LRBA: variants seen among roughly 807,000 people sequenced by gnomAD.
The protein encoded by LRBA is LPS responsive beige-like anchor protein.
Under a neutral mutation model 330.0 loss-of-function variants are expected in LRBA, and 176 were observed. The observed-to-expected ratio is 0.53, with a 90% CI of 0.47 to 0.60. The LOEUF is 0.60. Ranked by LOEUF, LRBA falls within the 20% of genes least tolerant of loss-of-function variation. The pLI is 0.00. For missense variants in LRBA, 3,259 were observed against 3,444.8 expected (o/e 0.95, Z 1.35); for synonymous variants, 1,230 against 1,193.0 (o/e 1.03, Z -0.64).
At chr4:150,756,151 C>A (rs564196773) in intron 35 of LRBA, among the ~76,000 whole-genome samples, 1 of 151,946 alleles carries the variant, frequency 6.6e-6, no homozygotes, top group Non-Finnish European at 1.5e-5. Context: ...ATAAAATATT[C>A]ATCATTCTCT....
chr4:150,357,651 C>CT lies in LRBA; in HGVS notation c.7195-7493dup, dbSNP rs142531975. Among the ~76,000 whole-genome samples the CT allele has an allele frequency of 5.9e-4, 82 of 138,338 alleles. 1 individual carries two copies. The highest frequency in any genetic ancestry group is 5.7e-3 in the East Asian group (28 of 4,900). 90.8% of individuals were successfully genotyped at this position (138,338 alleles called of 152,430 possible). A position where few individuals can be genotyped will look rare whatever the true frequency, so the allele number is the denominator to read the frequency against. On this transcript the variant is annotated intron_variant, in intron 47 of 56. Coordinates refer to ENST00000651943, the MANE Select transcript of LRBA (RefSeq NM_001364905.1). ...GTATCACACACATAGGGATATTGAG[C>CT]TTTTTTTTTTTTTTAAAAAAAACCT...
chr4:150,300,066 C>T (rs75272223), intron 53 of LRBA, among the ~76,000 whole-genome samples: 5 of 152,058 alleles, frequency 3.3e-5, no homozygotes, highest in African/African-American at 7.2e-5. Flanking sequence ...AGTTTACACA[C>T]GGTAACAATG....
intron 28 of LRBA, among the ~76,000 whole-genome samples, chr4:150,842,387 A>G (rs1749225982): frequency 6.6e-6 from 1 of 152,180 alleles, no homozygotes; most frequent in South Asian, 2.1e-4. Context: ...CCTAGGCTCA[A>G]GCGATCCTCC....
Position 150,893,131 on chromosome 4 carries a change from C to T in LRBA, c.2086G>A (p.Val696Ile), listed in dbSNP as rs1228015484. The change falls in exon 17 of 57, where the codon GTC (valine) becomes ATC (isoleucine). Residue 696 changes from valine to isoleucine, a missense_variant. Val to Ile is a conservative substitution (Grantham distance 29). Coordinates refer to ENST00000651943, the MANE Select transcript of LRBA (RefSeq NM_001364905.1). ...TMHEDDNLMD[V>I]LQLLVALMSE... ...ATTAATGCAACAAGCAGCTGTAGGACATCCATTAGATTGTCATCCTATAAT... is the reference window on the plus strand; with the variant it reads ...ATTAATGCAACAAGCAGCTGTAGGATATCCATTAGATTGTCATCCTATAAT... The T allele has an allele frequency of 1.2e-5, 20 of 1,607,344 alleles. No homozygotes were observed. The highest frequency in any genetic ancestry group is 1.5e-5 in the Non-Finnish European group (18 of 1,175,352).
At chr4:150,950,163 A>G (rs990345181) in intron 2 of LRBA, among the ~76,000 whole-genome samples, 1 of 152,154 alleles carries the variant, frequency 6.6e-6, no homozygotes, top group African/African-American at 2.4e-5. Context: ...GTTCTTTAAT[A>G]GCTTGCTGGT....
At chr4:150,825,496 A>G (rs762472150) in intron 30 of LRBA, among the ~76,000 whole-genome samples, 22 of 152,126 alleles carry the variant, frequency 1.4e-4, no homozygotes, top group Non-Finnish European at 2.2e-4. Context: ...CCTCCCAAAT[A>G]GCTGGGATTA....
In LRBA at chr4:150,583,419, G is replaced by C; in HGVS notation, c.6330+4629C>G. The C allele has an allele frequency of 1.2e-6, 2 of 1,613,902 alleles. No individual in the cohort carries two copies. The highest frequency in any genetic ancestry group is 1.7e-6 in the Non-Finnish European group (2 of 1,180,028). ...ATCTCTCAGCGCGTAAGATCCGCTC[G>C]CGTTTCCAGACGCTGGTGGCCCAGG... On this transcript the variant is annotated intron_variant, in intron 40 of 56. Transcript: ENST00000651943. The surrounding 1 kb of genome is among the most constrained non-coding windows in gnomAD (Gnocchi z 9.8).
In LRBA at chr4:150,709,505, A is replaced by G. The variant is rs111532759; in HGVS notation, c.5754+25753T>C. Among the ~76,000 whole-genome samples the G allele has an allele frequency of 2.3e-3, 347 of 152,068 alleles. 1 individual carries two copies. The highest frequency in any genetic ancestry group is 4.1e-3 in the Non-Finnish European group (276 of 67,834). Reference sequence around the variant, plus strand: ...AAATAATTCTACCTTGGCCTTTCTCATGCATAATCCATTTGTTTCCATAGA... The same window carrying G: ...AAATAATTCTACCTTGGCCTTTCTCGTGCATAATCCATTTGTTTCCATAGA... On this transcript the variant is annotated intron_variant, in intron 36 of 56. Transcript: ENST00000651943.
chr4:150,757,338 TC>T (rs1480191637), intron 35 of LRBA, among the ~76,000 whole-genome samples: 1 of 152,172 alleles, frequency 6.6e-6, no homozygotes, highest in Non-Finnish European at 1.5e-5. Flanking sequence ...ATCAGCAGTT[TC>T]TACCAAACAA....
chr4:150,631,493 A>C (rs764614913), intron 37 of LRBA, among the ~76,000 whole-genome samples: 9 of 152,230 alleles, frequency 5.9e-5, no homozygotes, highest in Non-Finnish European at 2.9e-5. Flanking sequence ...GACCCTCTGC[A>C]TGAATGGCAT....
At chr4:150,634,861 C>T (rs563151016) in intron 37 of LRBA, among the ~76,000 whole-genome samples, 28 of 152,250 alleles carry the variant, frequency 1.8e-4, no homozygotes, top group South Asian at 1.2e-3. Flanking sequence ...TAGTCTTAAG[C>T]AGTCATAAGA....
chr4:150,413,446 G>A (rs943362602), intron 47 of LRBA, among the ~76,000 whole-genome samples: 15 of 152,004 alleles, frequency 9.9e-5, no homozygotes, highest in African/African-American at 3.6e-4. Flanking sequence ...ATACTATACA[G>A]CAATACAAAG....
chr4:150,591,177 A>G (rs1225540735), intron 38 of LRBA, among the ~76,000 whole-genome samples: 5 of 152,222 alleles, frequency 3.3e-5, no homozygotes, highest in Non-Finnish European at 7.3e-5. Context: ...AAATTCATTA[A>G]TAGGAACAAT....
chr4:150,655,052 TA>T (rs1275098378), intron 37 of LRBA, among the ~76,000 whole-genome samples: 3 of 152,342 alleles, frequency 2.0e-5, no homozygotes, highest in Non-Finnish European at 4.4e-5. Context: ...CCTTTGGGTA[TA>T]TACCCAATAC....
At chr4:150,780,616 T>C (rs138953413) in intron 34 of LRBA, among the ~76,000 whole-genome samples, 89 of 148,234 alleles carry the variant, frequency 6.0e-4, no homozygotes, top group African/African-American at 2.0e-3. Flanking sequence ...TATATATATA[T>C]ACATATATAT....
chr4:150,831,227 C>T (rs1293600000), intron 29 of LRBA, among the ~76,000 whole-genome samples: 1 of 150,342 alleles, frequency 6.7e-6, no homozygotes, highest in African/African-American at 2.4e-5. Context: ...GCACTTTCAC[C>T]ACCTTCTAAA....
chr4:150,385,554 T>C (rs1581171444), intron 47 of LRBA, among the ~76,000 whole-genome samples: 1 of 151,356 alleles, frequency 6.6e-6, no homozygotes, highest in South Asian at 2.1e-4. Context: ...GTCAAGGAAA[T>C]GGATGGGTAG....
intron 9 of LRBA, among the ~76,000 whole-genome samples, chr4:150,912,554 A>C (rs1732128575): frequency 6.6e-6 from 1 of 152,200 alleles, no homozygotes; most frequent in African/African-American, 2.4e-5. Context: ...TAATAACAGA[A>C]ATAAAGTGCA....
At chr4:150,621,135 G>C (rs1219410442) in intron 37 of LRBA, among the ~76,000 whole-genome samples, 1 of 151,358 alleles carries the variant, frequency 6.6e-6, no homozygotes, top group African/African-American at 2.4e-5. Context: ...GAGTGCAAAA[G>C]ATTTTTTAAT....
Sources: allele counts gnomAD v4.1 joint callset (sites outside exome capture counted in the v4.1 genomes callset), GRCh38; gene constraint gnomAD v4.1.1; non-coding constraint Gnocchi (gnomAD v3.1); transcripts MANE v1.5; gene names NCBI Gene and HGNC (gene_info 2026-07-23, HGNC 2026-07-21).